The following PCSK6 variants were observed in gnomAD, a reference collection of about 807,000 sequenced individuals.
PCSK6 encodes proprotein convertase subtilisin/kexin type 6, also known as paired basic amino acid cleaving enzyme 4.
Under a neutral mutation model 123.3 loss-of-function variants are expected in PCSK6, and 85 were observed. The ratio of observed to expected loss-of-function variants is 0.69; its 90% CI spans 0.58 to 0.83. The LOEUF (loss-of-function observed/expected upper bound fraction) is 0.83, where lower values mean the gene tolerates loss of function less well. Ranked by LOEUF, PCSK6 falls within the 40% of genes least tolerant of loss-of-function variation. The pLI, the probability that PCSK6 is intolerant of heterozygous loss-of-function variation, is 0.00. For synonymous variants in PCSK6, 508 were observed against 516.0 expected (o/e 0.98, Z 0.21); for missense variants, 1,191 against 1,282.3 (o/e 0.93, Z 1.09).
chr15:101,380,363 G>T (rs2141499351), intron 11 of PCSK6, among the ~76,000 whole-genome samples: 1 of 152,312 alleles, frequency 6.6e-6, no homozygotes, highest in Non-Finnish European at 1.5e-5. Flanking sequence ...CGGGGCAGAG[G>T]GCAGCCCCCA....
intron 18 of PCSK6, among the ~76,000 whole-genome samples, chr15:101,320,738 C>T (rs1455293577): frequency 1.3e-5 from 2 of 152,162 alleles, no homozygotes; most frequent in African/African-American, 4.8e-5. Context: ...GGCGGCGGCT[C>T]GGCTGCTCTC....
intron 6 of PCSK6, among the ~76,000 whole-genome samples, chr15:101,408,852 T>C (rs1406517975): frequency 1.3e-5 from 2 of 152,178 alleles, no homozygotes; most frequent in Non-Finnish European, 2.9e-5. Context: ...TGGGCATGGA[T>C]TAATTTAGCT....
rs199661913 is a variant in PCSK6, at chr15:101,398,883, C to CTATTATTATTATTATTATTATTAT, written c.824-308_824-307insATAATAATAATAATAATAATAATA. ...TGTTTTTTATTTTAAAAAACAAGAC[C>CTATTATTATTATTATTATTATTAT]TATTATTATTATTATTATTATTTAT... On this transcript the variant is annotated intron_variant, in intron 6 of 21. Coordinates refer to ENST00000611716, the MANE Select transcript of PCSK6 (RefSeq NM_002570.5). The surrounding 1 kb of genome is among the most constrained non-coding windows in gnomAD (Gnocchi z 4.6). Among the ~76,000 whole-genome samples, 1 of 150,596 alleles carries CTATTATTATTATTATTATTATTAT rather than the reference C, an allele frequency of 6.6e-6. No homozygotes were observed. Among genetic ancestry groups the CTATTATTATTATTATTATTATTAT allele is most frequent in the African/African-American group, 2.5e-5 (1 of 40,766 alleles).
chr15:101,428,086 A>G, intron 5 of PCSK6, 106 bp from the exon 6 acceptor site: 1 of 929,810 alleles, frequency 1.1e-6, no homozygotes, highest in Non-Finnish European at 1.7e-6. Flanking sequence ...TCCGAAGCCC[A>G]GAGATGTCAT....
Position 101,304,527 on chromosome 15 carries a change from C to T in PCSK6, c.*731G>A, listed in dbSNP as rs1332276222. 2.0e-5 allele frequency: 3 copies of T among 152,266 alleles called. No individual in the cohort carries two copies. Among genetic ancestry groups the T allele is most frequent in the South Asian group, 2.1e-4 (1 of 4,816 alleles). 9.4% of individuals were successfully genotyped at this position (152,266 alleles called of 1,614,324 possible). A position where few individuals can be genotyped will look rare whatever the true frequency, so the allele number is the denominator to read the frequency against. The stretch of plus-strand genomic sequence containing the variant: ...AGGCTCTGCATCAGGTCGAGGTGGT[C>T]GTTCAGGCCATGAGACTCCTGAAGA... On this transcript the variant is annotated 3_prime_UTR_variant, in exon 22 of 22. Transcript: ENST00000611716.
intron 13 of PCSK6, among the ~76,000 whole-genome samples, chr15:101,338,374 C>G (rs1596199853): frequency 1.3e-5 from 2 of 152,298 alleles, no homozygotes; most frequent in South Asian, 4.1e-4. Context: ...CCCCCCACAG[C>G]AGCAGCACTT....
At position 101,431,906 on chromosome 15, in the gene PCSK6, T is replaced by C. The variant is rs2056458643; in HGVS notation, c.513+84A>G. On this transcript the variant is annotated intron_variant, in intron 3 of 21. Coordinates refer to ENST00000611716, the MANE Select transcript of PCSK6 (RefSeq NM_002570.5). ...TCTGTCTGGAGATGTTGTTTGAATT[T>C]AGCTTTGTTGAGGGAAATTAACCCA... The C allele has an allele frequency of 8.4e-6, 8 of 951,082 alleles. No homozygotes were observed. In the East Asian group the frequency reaches 2.1e-4, roughly 25 times the overall value. 58.9% of individuals were successfully genotyped at this position (951,082 alleles called of 1,614,324 possible). A position where few individuals can be genotyped will look rare whatever the true frequency, so the allele number is the denominator to read the frequency against.
intron 11 of PCSK6, among the ~76,000 whole-genome samples, chr15:101,374,514 C>T (rs190385883): frequency 3.9e-5 from 6 of 152,232 alleles, no homozygotes; most frequent in South Asian, 2.1e-4. Context: ...CCTTGCACAA[C>T]GCACTTGCTT....
chr15:101,422,811 T>C (rs2056127839), intron 6 of PCSK6, among the ~76,000 whole-genome samples: 2 of 151,494 alleles, frequency 1.3e-5, no homozygotes, highest in Non-Finnish European at 2.9e-5. Flanking sequence ...TTAGTAGAGA[T>C]GGGGTTTCAC....
intron 19 of PCSK6, among the ~76,000 whole-genome samples, chr15:101,314,128 G>T (rs2039934224): frequency 6.6e-6 from 1 of 152,302 alleles, no homozygotes; most frequent in East Asian, 1.9e-4. Context: ...TACAGCCAGG[G>T]CGTTTTCAAC....
At chr15:101,473,785 G>A (rs778128016) in intron 1 of PCSK6, among the ~76,000 whole-genome samples, 15 of 152,232 alleles carry the variant, frequency 9.9e-5, no homozygotes, top group Non-Finnish European at 2.1e-4. Context: ...GGCTGAGGCA[G>A]AATTCCTTGA....
intron 1 of PCSK6, among the ~76,000 whole-genome samples, chr15:101,476,610 G>A (rs184748098): frequency 2.3e-4 from 35 of 151,186 alleles, no homozygotes; most frequent in African/African-American, 6.3e-4. Flanking sequence ...ATATGCGCAC[G>A]TATCTGTCTG....
At chr15:101,422,940 A>G (rs1324511884) in intron 6 of PCSK6, among the ~76,000 whole-genome samples, 2 of 152,192 alleles carry the variant, frequency 1.3e-5, no homozygotes, top group East Asian at 1.9e-4. Flanking sequence ...ACTTAATGAT[A>G]TTCAAAGACA....
At chr15:101,461,733 G>C (rs2057344239) in intron 1 of PCSK6, among the ~76,000 whole-genome samples, 1 of 152,118 alleles carries the variant, frequency 6.6e-6, no homozygotes, top group African/African-American at 2.4e-5. Context: ...GCAGAATAAA[G>C]AAGATACAGG....
intron 9 of PCSK6, among the ~76,000 whole-genome samples, chr15:101,384,919 T>C (rs2042016500): frequency 6.6e-6 from 1 of 152,234 alleles, no homozygotes; most frequent in African/African-American, 2.4e-5. Flanking sequence ...ATATTCTTTT[T>C]GGGGAAGTAG....
rs367835298 is a variant in PCSK6, at chr15:101,327,492, G to A, written c.2078-1013C>T. 7.2e-5 allele frequency among the ~76,000 whole-genome samples: 11 copies of A among 152,282 alleles called. No individual in the cohort carries two copies. In the South Asian group the frequency reaches 8.3e-4, roughly 11 times the overall value. Reference sequence around the variant, plus strand: ...GCTGGGAAACGGCCCAGGGGACCCCGACAGCTCTGACACACAGGGACTAAG... The same window carrying A: ...GCTGGGAAACGGCCCAGGGGACCCCAACAGCTCTGACACACAGGGACTAAG... On this transcript the variant is annotated intron_variant, in intron 15 of 21. Transcript: ENST00000611716.
intron 1 of PCSK6, among the ~76,000 whole-genome samples, chr15:101,471,302 A>T (rs1306582908): frequency 6.6e-6 from 1 of 152,168 alleles, no homozygotes; most frequent in Non-Finnish European, 1.5e-5. Context: ...CTAAACATAA[A>T]TTTATGATTA....
At chr15:101,452,056 A>G (rs1007646087) in intron 1 of PCSK6, among the ~76,000 whole-genome samples, 1 of 152,254 alleles carries the variant, frequency 6.6e-6, no homozygotes, top group Non-Finnish European at 1.5e-5. Context: ...TGTTATTGCA[A>G]TAATTACAAT....
intron 6 of PCSK6, among the ~76,000 whole-genome samples, chr15:101,406,062 C>T (rs1350019903): frequency 6.6e-6 from 1 of 152,212 alleles, no homozygotes; most frequent in Non-Finnish European, 1.5e-5. Context: ...TAATTTATAT[C>T]TCGACTTTCC....
Sources: allele counts gnomAD v4.1 joint callset (sites outside exome capture counted in the v4.1 genomes callset), GRCh38; gene constraint gnomAD v4.1.1; non-coding constraint Gnocchi (gnomAD v3.1); transcripts MANE v1.5; gene names NCBI Gene and HGNC (gene_info 2026-07-23, HGNC 2026-07-21).